Variants in ARK2C observed in about 807,000 individuals in gnomAD.
The protein encoded by ARK2C is E3 ubiquitin-protein ligase ARK2C.
At chr18:46,365,035 T>A in the ARK2C span, among the ~76,000 whole-genome samples, 5 of 152,286 alleles carry the variant, frequency 3.3e-5, no homozygotes, top group South Asian at 1.0e-3. Flanking sequence ...CTCTGGGAGT[T>A]CCCTTTCTTC....
At chr18:46,353,967 AC>A in the ARK2C span, among the ~76,000 whole-genome samples, 1 of 151,708 alleles carries the variant, frequency 6.6e-6, no homozygotes, top group African/African-American at 2.4e-5. Flanking sequence ...TATTTAGCTC[AC>A]CCCCTCATTT....
chr18:46,336,669 A>G, the ARK2C span: 2 of 985,278 alleles, frequency 2.0e-6, no homozygotes, highest in Non-Finnish European at 2.4e-6. Flanking sequence ...TTCAGAATAG[A>G]TGTAGAGAAA....
the ARK2C span, among the ~76,000 whole-genome samples, chr18:46,406,997 A>G: frequency 6.6e-6 from 1 of 152,142 alleles, no homozygotes; most frequent in Non-Finnish European, 1.5e-5. Flanking sequence ...AAAAATGACT[A>G]TTTATGGTGC....
At chr18:46,357,692 C>A in the ARK2C span, among the ~76,000 whole-genome samples, 1 of 152,198 alleles carries the variant, frequency 6.6e-6, no homozygotes, top group Non-Finnish European at 1.5e-5. Context: ...CTGGGAGTCA[C>A]CCTCCAGTTA....
chr18:46,366,083 A>G, the ARK2C span, among the ~76,000 whole-genome samples: 3 of 152,110 alleles, frequency 2.0e-5, no homozygotes, highest in East Asian at 3.9e-4. Flanking sequence ...ACCTGAGGTC[A>G]GGAGTTTGAG....
the ARK2C span, among the ~76,000 whole-genome samples, chr18:46,379,521 G>A: frequency 6.6e-6 from 1 of 152,148 alleles, no homozygotes; most frequent in Admixed American, 6.5e-5. Context: ...CACAGTAACG[G>A]CTTCCGGGCC....
the ARK2C span, among the ~76,000 whole-genome samples, chr18:46,448,272 C>A: frequency 6.6e-5 from 10 of 151,596 alleles, no homozygotes; most frequent in Admixed American, 3.9e-4. Flanking sequence ...TGTGCCCTGG[C>A]CTTCTTGTGC....
At chr18:46,450,441 G>T in the ARK2C span, 2 of 1,406,482 alleles carry the variant, frequency 1.4e-6, no homozygotes, top group Non-Finnish European at 2.0e-6. Flanking sequence ...TGGTGGAGAT[G>T]CCATTATTGT....
the ARK2C span, among the ~76,000 whole-genome samples, chr18:46,363,945 C>CTTTTTTTTTTTTTTTTTTTTTT: frequency 6.4e-5 from 8 of 125,576 alleles, no homozygotes; most frequent in Non-Finnish European, 1.2e-4. Context: ...TTTTTCTTTT[C>CTTTTTTTTTTTTTTTTTTTTTT]TTTTTTTTTT....
chr18:46,417,499 G>T, the ARK2C span, among the ~76,000 whole-genome samples: 2 of 152,348 alleles, frequency 1.3e-5, no homozygotes, highest in South Asian at 4.1e-4. Context: ...ACTTTGCCTG[G>T]ATATCTGCCA....
chr18:46,433,291 G>A, the ARK2C span: 4 of 1,611,214 alleles, frequency 2.5e-6, no homozygotes, highest in Non-Finnish European at 3.4e-6. Context: ...CTTCCCGCTG[G>A]CCCACCCCGT....
the ARK2C span, among the ~76,000 whole-genome samples, chr18:46,352,860 C>G: frequency 6.6e-6 from 1 of 152,220 alleles, no homozygotes; most frequent in South Asian, 2.1e-4. Flanking sequence ...ATGGGGGGAG[C>G]ACTCAGTTGG....
At chr18:46,405,150 G>A in the ARK2C span, among the ~76,000 whole-genome samples, 1 of 152,116 alleles carries the variant, frequency 6.6e-6, no homozygotes. Flanking sequence ...TGTACAGTGT[G>A]GCATACTGGT....
chr18:46,334,417 C>G, the ARK2C span: 1 of 1,326,930 alleles, frequency 7.5e-7, no homozygotes, highest in African/African-American at 1.5e-5. This position sits in a 1 kb window ranked among gnomAD's most constrained non-coding sequence, Gnocchi z 4.4. Flanking sequence ...CGCGGGCGGC[C>G]GGGGGCTCAG....
At chr18:46,412,889 G>T in the ARK2C span, among the ~76,000 whole-genome samples, 1 of 152,084 alleles carries the variant, frequency 6.6e-6, no homozygotes, top group Non-Finnish European at 1.5e-5. Context: ...CTTTGGTCAA[G>T]GTCACTAGCA....
At chr18:46,369,654 T>A in the ARK2C span, among the ~76,000 whole-genome samples, 1 of 152,188 alleles carries the variant, frequency 6.6e-6, no homozygotes, top group African/African-American at 2.4e-5. Flanking sequence ...GTGGGGGCAC[T>A]TTTCTAGCCT....
the ARK2C span, among the ~76,000 whole-genome samples, chr18:46,353,099 C>T: frequency 6.6e-6 from 1 of 152,242 alleles, no homozygotes; most frequent in African/African-American, 2.4e-5. Flanking sequence ...GATGTGATTA[C>T]TCATCTCATT....
At chr18:46,428,695 G>A in the ARK2C span, among the ~76,000 whole-genome samples, 87 of 152,306 alleles carry the variant, frequency 5.7e-4, no homozygotes, top group African/African-American at 2.1e-3. Flanking sequence ...GTAAGAAAAG[G>A]AAAGAGTTTT....
chr18:46,429,753 AT>A, the ARK2C span, among the ~76,000 whole-genome samples: 19 of 151,926 alleles, frequency 1.3e-4, no homozygotes, highest in Non-Finnish European at 2.4e-4. Flanking sequence ...TTCAAATACT[AT>A]TTTTTAAAAT....
Sources: gnomAD v4.1 joint callset for allele counts (sites outside exome capture counted in the v4.1 genomes callset) on GRCh38, gnomAD v4.1.1 for gene constraint, Gnocchi (gnomAD v3.1) non-coding constraint, MANE v1.5 for transcripts, NCBI Gene and HGNC (gene_info 2026-07-23, HGNC 2026-07-21) for gene names.